EFCAB11: variants seen among roughly 807,000 people sequenced by gnomAD.
EFCAB11 encodes the protein EF-hand calcium-binding domain-containing protein 11.
EFCAB11 carries 14 observed loss-of-function variants against 23.0 expected under a neutral mutation model. That is an observed-to-expected ratio of 0.61 (90% CI 0.40 to 0.95). EFCAB11 has a LOEUF of 0.95. EFCAB11 is among the 40% of genes least tolerant of loss of function. EFCAB11 has a pLI of 0.00. For synonymous variants in EFCAB11, 65 were observed against 66.6 expected (o/e 0.98, Z 0.11); for missense variants, 198 against 195.8 (o/e 1.01, Z -0.07).
chr14:89,845,757 C>A (rs1293080813), intron 5 of EFCAB11, among the ~76,000 whole-genome samples: 5 of 152,140 alleles, frequency 3.3e-5, no homozygotes, highest in African/African-American at 1.2e-4. Context: ...TGATTCTGTG[C>A]TTTAGGGAGA....
intron 5 of EFCAB11, among the ~76,000 whole-genome samples, chr14:89,847,423 G>A (rs558294520): frequency 6.6e-6 from 1 of 152,190 alleles, no homozygotes; most frequent in Admixed American, 6.5e-5. Flanking sequence ...CTGAGTGGAG[G>A]CCCATATGCA....
At chr14:89,893,941 C>G (rs1180321288) in intron 5 of EFCAB11, among the ~76,000 whole-genome samples, 3 of 151,916 alleles carry the variant, frequency 2.0e-5, no homozygotes, top group Non-Finnish European at 4.4e-5. Flanking sequence ...TCAATAGATA[C>G]AGAAAAAGCA....
At chr14:89,900,333 A>C (rs1310755567) in intron 5 of EFCAB11, among the ~76,000 whole-genome samples, 1 of 152,194 alleles carries the variant, frequency 6.6e-6, no homozygotes, top group African/African-American at 2.4e-5. Context: ...CAGGACAGTG[A>C]TGATCTCTAG....
intron 5 of EFCAB11, among the ~76,000 whole-genome samples, chr14:89,799,749 A>T (rs190138957): frequency 6.6e-6 from 1 of 151,688 alleles, no homozygotes; most frequent in Non-Finnish European, 1.5e-5. Flanking sequence ...GCCCCACAGC[A>T]GAGGATGAAT....
intron 5 of EFCAB11, among the ~76,000 whole-genome samples, chr14:89,893,834 A>G (rs1889068098): frequency 1.3e-5 from 2 of 151,966 alleles, no homozygotes; most frequent in Non-Finnish European, 2.9e-5. Flanking sequence ...ACTTGGGTTT[A>G]TATCAAAAAT....
chr14:89,888,386 G>A (rs1009405107), intron 5 of EFCAB11, among the ~76,000 whole-genome samples: 8 of 152,206 alleles, frequency 5.3e-5, no homozygotes, highest in African/African-American at 1.9e-4. Context: ...TTATGGTTCT[G>A]CAGGCTTTAC....
At chr14:89,814,297 C>A (rs952055198) in intron 5 of EFCAB11, among the ~76,000 whole-genome samples, 1 of 152,186 alleles carries the variant, frequency 6.6e-6, no homozygotes, top group African/African-American at 2.4e-5. Context: ...CAGCAACACA[C>A]GGTCTGGTCC....
chr14:89,943,826 TAAAC>T (rs553891286), intron 3 of EFCAB11, among the ~76,000 whole-genome samples: 9 of 151,448 alleles, frequency 5.9e-5, no homozygotes, highest in Non-Finnish European at 1.3e-4. Flanking sequence ...TTTCTCCAAA[TAAAC>T]ACACACACAC....
At chr14:89,850,668 G>A (rs776575978) in intron 5 of EFCAB11, among the ~76,000 whole-genome samples, 16 of 152,196 alleles carry the variant, frequency 1.1e-4, no homozygotes, top group Non-Finnish European at 2.2e-4. Flanking sequence ...AGATATGTAT[G>A]TATGTGTGTG....
intron 5 of EFCAB11, among the ~76,000 whole-genome samples, chr14:89,808,036 C>T (rs1043457967): frequency 2.0e-5 from 3 of 152,128 alleles, no homozygotes; most frequent in African/African-American, 4.8e-5. Context: ...AATTGGCTAT[C>T]CATCTGGGGA....
intron 5 of EFCAB11, among the ~76,000 whole-genome samples, chr14:89,864,879 G>A (rs1222183685): frequency 6.6e-6 from 1 of 152,196 alleles, no homozygotes; most frequent in Non-Finnish European, 1.5e-5. Flanking sequence ...ATTTGGGAGA[G>A]AAGGATCCAC....
At chr14:89,951,713 G>A (rs1307379706) in intron 2 of EFCAB11, among the ~76,000 whole-genome samples, 2 of 149,876 alleles carry the variant, frequency 1.3e-5, no homozygotes, top group Non-Finnish European at 3.0e-5. Flanking sequence ...TTGGAGACCA[G>A]ACTGGCCAAC....
intron 5 of EFCAB11, among the ~76,000 whole-genome samples, chr14:89,797,775 T>C (rs924059027): frequency 1.3e-5 from 2 of 151,898 alleles, no homozygotes; most frequent in African/African-American, 4.8e-5. Flanking sequence ...CTACTAAAAA[T>C]ACAAAAAATT....
At chr14:89,863,656 C>T (rs571731362) in intron 5 of EFCAB11, among the ~76,000 whole-genome samples, 1 of 152,224 alleles carries the variant, frequency 6.6e-6, no homozygotes, top group Non-Finnish European at 1.5e-5. Flanking sequence ...CTCCGTATCC[C>T]CAGCAATGGG....
At chr14:89,836,949 G>A (rs1376239687) in intron 5 of EFCAB11, 7 of 446,988 alleles carry the variant, frequency 1.6e-5, no homozygotes, top group Admixed American at 4.8e-5. Context: ...AACCCAGGAG[G>A]AAGTGGAGGC....
chr14:89,909,979 T>C (rs1441967422), intron 5 of EFCAB11, among the ~76,000 whole-genome samples: 5 of 152,184 alleles, frequency 3.3e-5, no homozygotes. Context: ...AGCGTTCTTC[T>C]TCTCCATAGT....
chr14:89,854,855 G>A (rs1407108389), intron 5 of EFCAB11, among the ~76,000 whole-genome samples: 6 of 152,118 alleles, frequency 3.9e-5, no homozygotes, highest in Admixed American at 1.3e-4. Context: ...GAATGCACCT[G>A]CTCTTCCACC....
intron 5 of EFCAB11, among the ~76,000 whole-genome samples, chr14:89,819,203 G>T (rs577992661): frequency 3.3e-5 from 5 of 152,142 alleles, no homozygotes; most frequent in Middle Eastern, 3.4e-3. Flanking sequence ...GGTATCCCAT[G>T]GATAAATCTC....
chr14:89,870,832 G>T (rs1888245567), intron 5 of EFCAB11, among the ~76,000 whole-genome samples: 1 of 151,642 alleles, frequency 6.6e-6, no homozygotes, highest in Non-Finnish European at 1.5e-5. Flanking sequence ...TCTAGCTACT[G>T]GGGAGGCTGA....
Sources: gnomAD v4.1 joint callset for allele counts (sites outside exome capture counted in the v4.1 genomes callset) on GRCh38, gnomAD v4.1.1 for gene constraint, MANE v1.5 for transcripts, NCBI Gene and HGNC (gene_info 2026-07-23, HGNC 2026-07-21) for gene names.